Variants in DGKB observed in about 807,000 individuals in gnomAD.
DGKB encodes the protein 90 kDa diacylglycerol kinase.
DGKB carries 67 observed loss-of-function variants against 114.3 expected under a neutral mutation model. The ratio of observed to expected loss-of-function variants is 0.59; its 90% CI spans 0.48 to 0.72. DGKB has a LOEUF of 0.72. Among genes scored for constraint, DGKB ranks in the 30% least tolerant of loss-of-function variants. The pLI, the probability that DGKB is intolerant of heterozygous loss-of-function variation, is 0.00. For synonymous variants in DGKB, 398 were observed against 323.1 expected (o/e 1.23, Z -2.49); for missense variants, 907 against 975.2 (o/e 0.93, Z 0.93).
At chr7:14,470,421 G>C (rs1417718109) in intron 21 of DGKB, among the ~76,000 whole-genome samples, 3 of 151,752 alleles carry the variant, frequency 2.0e-5, no homozygotes, top group Non-Finnish European at 4.4e-5. Flanking sequence ...AACTTGTCTT[G>C]ACTGAGGCAA....
intron 21 of DGKB, among the ~76,000 whole-genome samples, chr7:14,432,238 C>T (rs1302473166): frequency 6.6e-6 from 1 of 152,106 alleles, no homozygotes; most frequent in Non-Finnish European, 1.5e-5. Flanking sequence ...TCTGTACTTG[C>T]TGTTGCCCTA....
At chr7:14,677,126 T>A (rs1305085255) in intron 12 of DGKB, among the ~76,000 whole-genome samples, 1 of 151,886 alleles carries the variant, frequency 6.6e-6, no homozygotes, top group African/African-American at 2.4e-5. Flanking sequence ...GAAAAAGCTG[T>A]CTCAAGATAG....
intron 23 of DGKB, among the ~76,000 whole-genome samples, chr7:14,260,680 C>A (rs935354826): frequency 3.9e-5 from 6 of 152,138 alleles, no homozygotes; most frequent in Admixed American, 6.5e-5. Context: ...TATTAAAGTT[C>A]AGGCAACAAG....
intron 23 of DGKB, among the ~76,000 whole-genome samples, chr7:14,291,553 T>C (rs920292023): frequency 6.6e-6 from 1 of 152,202 alleles, no homozygotes; most frequent in African/African-American, 2.4e-5. Context: ...ATCTTTATTA[T>C]AGGGAATCTA....
intron 19 of DGKB, among the ~76,000 whole-genome samples, chr7:14,577,904 A>G (rs1799396609): frequency 1.3e-5 from 2 of 152,240 alleles, no homozygotes; most frequent in Non-Finnish European, 2.9e-5. Context: ...ACAAATATTA[A>G]GCATAATAAT....
chr7:14,518,727 AT>A (rs1563382594), intron 20 of DGKB, among the ~76,000 whole-genome samples: 1 of 151,310 alleles, frequency 6.6e-6, no homozygotes, highest in Admixed American at 6.6e-5. Flanking sequence ...CACCCAGGGC[AT>A]TTGGCTCCTG....
intron 13 of DGKB, among the ~76,000 whole-genome samples, chr7:14,650,823 AG>A (rs1563794505): frequency 1.4e-5 from 2 of 146,194 alleles, no homozygotes; most frequent in Non-Finnish European, 3.0e-5. Flanking sequence ...ATATCACCAC[AG>A]ATCCCACAGA....
intron 20 of DGKB, among the ~76,000 whole-genome samples, chr7:14,497,374 A>T (rs1367920573): frequency 6.6e-6 from 1 of 151,756 alleles, no homozygotes; most frequent in Non-Finnish European, 1.5e-5. Flanking sequence ...GAAATGTTTT[A>T]AAAAAAGAAA....
At chr7:14,295,739 A>T (rs1192836271) in intron 23 of DGKB, among the ~76,000 whole-genome samples, 1 of 152,076 alleles carries the variant, frequency 6.6e-6, no homozygotes, top group Non-Finnish European at 1.5e-5. Flanking sequence ...AAGTTCTCGG[A>T]TACATGTGCA....
At chr7:14,344,086 T>G (rs1325571233) in intron 22 of DGKB, among the ~76,000 whole-genome samples, 1 of 150,034 alleles carries the variant, frequency 6.7e-6, no homozygotes, top group African/African-American at 2.4e-5. Flanking sequence ...GTTATATATA[T>G]CATTTTATAT....
intron 1 of DGKB, among the ~76,000 whole-genome samples, chr7:14,920,289 G>T (rs575581173): frequency 6.6e-6 from 1 of 151,946 alleles, no homozygotes. Flanking sequence ...AATATACAAC[G>T]AATTCTTGAA....
chr7:14,485,787 A>C (rs912931769), intron 20 of DGKB, among the ~76,000 whole-genome samples: 16 of 151,420 alleles, frequency 1.1e-4, no homozygotes, highest in African/African-American at 3.9e-4. Flanking sequence ...AGCTACTGGG[A>C]GGCTGAGGCA....
At chr7:14,268,211 C>CCA (rs10699466) in intron 23 of DGKB, among the ~76,000 whole-genome samples, 66,003 of 150,152 alleles carry the variant, frequency 0.44, 16,972 homozygotes, top group Non-Finnish European at 0.59. Context: ...AGTCACTGTA[C>CCA]CACACACACA....
At position 14,535,186 on chromosome 7, in the gene DGKB, C is replaced by G. The variant is rs139356531; in HGVS notation, c.1770+39026G>C. Among the ~76,000 whole-genome samples, 54 of 152,050 alleles carry G rather than the reference C, an allele frequency of 3.6e-4. No homozygotes were observed. The East Asian group carries it at 4.6e-3, about 13-fold the overall frequency. ...GAGTTCAAGATTAGCCTTGTCAACACAGTGAGAACTGTCTCAACAAAAAAA... is the reference window on the plus strand; with the variant it reads ...GAGTTCAAGATTAGCCTTGTCAACAGAGTGAGAACTGTCTCAACAAAAAAA... On this transcript the variant is annotated intron_variant, in intron 20 of 25. Transcript: ENST00000402815.
intron 1 of DGKB, among the ~76,000 whole-genome samples, chr7:14,924,472 C>T (rs1314749960): frequency 6.6e-6 from 1 of 152,042 alleles, no homozygotes; most frequent in African/African-American, 2.4e-5. Context: ...TTTTGTTCTT[C>T]TCTCCTTTTG....
chr7:14,892,742 T>C (rs1781443725), intron 1 of DGKB, among the ~76,000 whole-genome samples: 1 of 150,990 alleles, frequency 6.6e-6, no homozygotes, highest in African/African-American at 2.4e-5. Flanking sequence ...TCCAGAAATA[T>C]CCCTAACTTA....
intron 1 of DGKB, among the ~76,000 whole-genome samples, chr7:14,882,144 G>A (rs568943877): frequency 6.6e-6 from 1 of 152,074 alleles, no homozygotes; most frequent in South Asian, 2.1e-4. Context: ...TAGAGAGTAG[G>A]AAAATTTGGA....
At chr7:14,911,693 G>A (rs991999558) in intron 1 of DGKB, among the ~76,000 whole-genome samples, 6 of 152,090 alleles carry the variant, frequency 3.9e-5, no homozygotes, top group Non-Finnish European at 8.8e-5. Context: ...TCCACCTGCG[G>A]TTTTCACAAG....
chr7:14,393,519 C>T (rs1397319651), intron 21 of DGKB, among the ~76,000 whole-genome samples: 1 of 152,038 alleles, frequency 6.6e-6, no homozygotes, highest in Non-Finnish European at 1.5e-5. Flanking sequence ...ACATAAATAT[C>T]TTTAATTTTG....
Sources: gnomAD v4.1 joint callset for allele counts (sites outside exome capture counted in the v4.1 genomes callset) on GRCh38, gnomAD v4.1.1 for gene constraint, MANE v1.5 for transcripts, NCBI Gene and HGNC (gene_info 2026-07-23, HGNC 2026-07-21) for gene names.